KIAA0825: variants seen among roughly 807,000 people sequenced by gnomAD.
KIAA0825 encodes uncharacterized protein KIAA0825.
KIAA0825 carries 119 observed loss-of-function variants against 147.6 expected under a neutral mutation model. The ratio of observed to expected loss-of-function variants is 0.81; its 90% CI spans 0.69 to 0.94. The LOEUF is 0.94. Ranked by LOEUF, KIAA0825 falls within the 40% of genes least tolerant of loss-of-function variation. The pLI is 0.00. For synonymous variants in KIAA0825, 470 were observed against 518.1 expected, an observed-to-expected ratio of 0.91 and a Z score of 1.26; for missense variants, 1,381 against 1,472.7, an observed-to-expected ratio of 0.94 and a Z score of 1.02.
At chr5:94,409,848 A>C (rs1380345443) in intron 15 of KIAA0825, among the ~76,000 whole-genome samples, 2 of 152,236 alleles carry the variant, frequency 1.3e-5, no homozygotes, top group African/African-American at 4.8e-5. Flanking sequence ...AAGATGATCA[A>C]GGTGATACAC....
At chr5:94,312,442 G>A (rs1779270922) in intron 20 of KIAA0825, among the ~76,000 whole-genome samples, 1 of 151,556 alleles carries the variant, frequency 6.6e-6, no homozygotes, top group Non-Finnish European at 1.5e-5. Flanking sequence ...AAATGCCTGA[G>A]CAGGCCCTGA....
intron 20 of KIAA0825, among the ~76,000 whole-genome samples, chr5:94,372,029 A>G (rs1325633157): frequency 1.3e-5 from 2 of 152,228 alleles, no homozygotes; most frequent in Non-Finnish European, 2.9e-5. Flanking sequence ...TCCAAACTCC[A>G]ATAGGAAAGT....
intron 20 of KIAA0825, among the ~76,000 whole-genome samples, chr5:94,193,731 G>T (rs1274987197): frequency 1.3e-5 from 2 of 152,204 alleles, no homozygotes; most frequent in Non-Finnish European, 2.9e-5. Context: ...GCACAGAGAT[G>T]TTGAGTACCT....
chr5:94,177,264 G>A (rs1006615833), intron 20 of KIAA0825, among the ~76,000 whole-genome samples: 14 of 152,084 alleles, frequency 9.2e-5, no homozygotes, highest in Non-Finnish European at 1.8e-4. Flanking sequence ...ATCCTGGGAA[G>A]CATCATTAAC....
chr5:94,487,894 A>C (rs1763245488), intron 5 of KIAA0825, among the ~76,000 whole-genome samples: 3 of 152,118 alleles, frequency 2.0e-5, no homozygotes, highest in Admixed American at 2.0e-4. Context: ...GTGGAGCTGC[A>C]GTGAGCCAAG....
chr5:94,538,709 A>C (rs1011158093), intron 2 of KIAA0825, among the ~76,000 whole-genome samples: 5 of 152,232 alleles, frequency 3.3e-5, no homozygotes, highest in Non-Finnish European at 5.9e-5. Flanking sequence ...ACATATTGGC[A>C]GCTAGCAAGG....
At chr5:94,546,366 T>G (rs1357739703) in intron 2 of KIAA0825, among the ~76,000 whole-genome samples, 2 of 152,084 alleles carry the variant, frequency 1.3e-5, no homozygotes, top group Admixed American at 6.6e-5. Flanking sequence ...GGGCCTTGAG[T>G]GAACATAGGT....
chr5:94,315,640 ATAAATTG>A (rs1322816124), intron 20 of KIAA0825, among the ~76,000 whole-genome samples: 1 of 151,756 alleles, frequency 6.6e-6, no homozygotes, highest in Admixed American at 6.6e-5. Flanking sequence ...ATTATGTGAC[ATAAATTG>A]TAGTTATTTT....
At position 94,397,838 on chromosome 5, in the gene KIAA0825, G is replaced by A. The variant is rs557042602; in HGVS notation, c.2888-1329C>T. ...GTCTTGGCCTTTCTCCAGAGCTGTA[G>A]TCCTATAACTCCAGCTTTCTGTTAA... On this transcript the variant is annotated intron_variant, in intron 16 of 20. Transcript: ENST00000682413. Among the ~76,000 whole-genome samples the A allele has an allele frequency of 1.8e-4, 28 of 152,216 alleles. 1 individual carries two copies. In the South Asian group the frequency reaches 5.4e-3, roughly 29 times the overall value.
chr5:94,410,777 T>C (rs952376901), intron 15 of KIAA0825, among the ~76,000 whole-genome samples: 1 of 152,042 alleles, frequency 6.6e-6, no homozygotes. Context: ...ATTTCAAACA[T>C]GAAGGCAAAA....
intron 2 of KIAA0825, among the ~76,000 whole-genome samples, chr5:94,560,093 ACCT>A: frequency 6.6e-6 from 1 of 152,182 alleles, no homozygotes; most frequent in Non-Finnish European, 1.5e-5. Context: ...TAACAAGACC[ACCT>A]TGGCTAGTCA....
At chr5:94,580,027 T>C (rs997052642) in intron 2 of KIAA0825, among the ~76,000 whole-genome samples, 5 of 152,180 alleles carry the variant, frequency 3.3e-5, no homozygotes, top group African/African-American at 1.2e-4. Flanking sequence ...ATAATAATGC[T>C]ATATCAGAGA....
chr5:94,579,048 C>G (rs570362008), intron 2 of KIAA0825, among the ~76,000 whole-genome samples: 1 of 152,088 alleles, frequency 6.6e-6, no homozygotes, highest in Non-Finnish European at 1.5e-5. Flanking sequence ...GCCCCGCCCC[C>G]GTAGCTGGGA....
intron 1 of KIAA0825, chr5:94,594,784 A>G: frequency 9.1e-6 from 5 of 551,340 alleles, no homozygotes; most frequent in South Asian, 7.9e-5. Context: ...AGAGAAGTCG[A>G]ATCATGATTG....
At chr5:94,259,675 T>G (rs1776402864) in intron 20 of KIAA0825, among the ~76,000 whole-genome samples, 1 of 152,018 alleles carries the variant, frequency 6.6e-6, no homozygotes, top group African/African-American at 2.4e-5. Flanking sequence ...GTTCATTTAT[T>G]TATATGACCT....
chr5:94,369,276 T>A (rs916110348), intron 20 of KIAA0825, among the ~76,000 whole-genome samples: 3 of 151,988 alleles, frequency 2.0e-5, no homozygotes, highest in Admixed American at 1.3e-4. Flanking sequence ...GGGGCACAGA[T>A]TTAGAGGTGG....
At chr5:94,515,059 G>C (rs1408871026) in intron 5 of KIAA0825, among the ~76,000 whole-genome samples, 1 of 152,006 alleles carries the variant, frequency 6.6e-6, no homozygotes, top group African/African-American at 2.4e-5. Context: ...AGGATATATG[G>C]GGGCCATGGA....
rs1417008111 is a variant in KIAA0825, at chr5:94,511,028, G to A, written c.970+9220C>T. 2.6e-5 allele frequency among the ~76,000 whole-genome samples: 4 copies of A among 152,250 alleles called. No individual in the cohort carries two copies. In the East Asian group the frequency reaches 7.7e-4, roughly 29 times the overall value. ...GGAGGTAGGGCTTTGGGAGGGATAG[G>A]TGATGGGAGCAGAGCCCTCATGAAT... On this transcript the variant is annotated intron_variant, in intron 5 of 20. Transcript: ENST00000682413.
intron 20 of KIAA0825, among the ~76,000 whole-genome samples, chr5:94,182,192 G>T (rs969180344): frequency 2.2e-5 from 3 of 138,618 alleles, no homozygotes; most frequent in Non-Finnish European, 4.6e-5. Context: ...TACCAAGGAA[G>T]AGCTGATTAT....
Sources: gnomAD v4.1 joint callset for allele counts (sites outside exome capture counted in the v4.1 genomes callset) on GRCh38, gnomAD v4.1.1 for gene constraint, MANE v1.5 for transcripts, NCBI Gene and HGNC (gene_info 2026-07-23, HGNC 2026-07-21) for gene names.